The following ZNF487 variants were observed in gnomAD, a reference collection of about 807,000 sequenced individuals.
ZNF487 encodes zinc finger protein 487, also known as KRAB domain only 1.
In ZNF487, 4 loss-of-function variants were observed where a neutral mutation model predicts 3.0. That is an observed-to-expected ratio of 1.35 (90% CI 0.66 to 3.08). The LOEUF is 3.08. ZNF487 is among the 30% of genes most tolerant of loss of function. The probability of loss-of-function intolerance (pLI) is 0.01; values close to 1 mark genes in which losing one functional copy is unlikely to be tolerated. For synonymous variants in ZNF487, 55 were observed against 34.6 expected (o/e 1.59, Z -2.06); for missense variants, 146 against 98.7 (o/e 1.48, Z -2.03).
intron 1 of ZNF487, among the ~76,000 whole-genome samples, chr10:43,465,392 G>T (rs1316527747): frequency 3.4e-5 from 5 of 148,934 alleles, no homozygotes; most frequent in Admixed American, 6.6e-5. Context: ...CTTCTCAGAC[G>T]GGGCGGCTGC....
chr10:43,490,155 T>C, the ZNF487 span, among the ~76,000 whole-genome samples: 1 of 152,062 alleles, frequency 6.6e-6, no homozygotes, highest in African/African-American at 2.4e-5. Flanking sequence ...TTTGAGATGA[T>C]CCTGGGCAAC....
chr10:43,488,897 G>A, the ZNF487 span, among the ~76,000 whole-genome samples: 1 of 151,780 alleles, frequency 6.6e-6, no homozygotes, highest in African/African-American at 2.4e-5. Flanking sequence ...TGAGAGGATC[G>A]CTTGAGGCCA....
chr10:43,506,052 C>T, the ZNF487 span, among the ~76,000 whole-genome samples: 1 of 152,180 alleles, frequency 6.6e-6, no homozygotes, highest in African/African-American at 2.4e-5. Context: ...TGTTCTTTTC[C>T]TTTTCATTTG....
intron 1 of ZNF487, among the ~76,000 whole-genome samples, chr10:43,451,122 T>C (rs1839993012): frequency 1.3e-5 from 2 of 151,844 alleles, no homozygotes; most frequent in Admixed American, 6.6e-5. Flanking sequence ...AATTTTGTAT[T>C]TTTAGTAGAG....
the ZNF487 span, among the ~76,000 whole-genome samples, chr10:43,497,738 C>T: frequency 2.6e-5 from 4 of 151,836 alleles, 1 homozygote; most frequent in Non-Finnish European, 5.9e-5. Flanking sequence ...GAGGCCGAGG[C>T]GGGAAGATCA....
the ZNF487 span, among the ~76,000 whole-genome samples, chr10:43,521,144 TTAA>T: frequency 2.0e-5 from 3 of 152,208 alleles, no homozygotes; most frequent in South Asian, 6.2e-4. Flanking sequence ...AAGCACTGAA[TTAA>T]TGAATATTGA....
At chr10:43,458,001 AAC>A (rs1840282036) in intron 1 of ZNF487, 1 of 152,188 alleles carries the variant, frequency 6.6e-6, no homozygotes, top group South Asian at 2.1e-4. Flanking sequence ...CAGCCTGGGT[AAC>A]AGAGCGAGAC....
chr10:43,446,628 A>G (rs1463824053), intron 1 of ZNF487, among the ~76,000 whole-genome samples: 1 of 144,262 alleles, frequency 6.9e-6, no homozygotes, highest in Non-Finnish European at 1.5e-5. Flanking sequence ...CCCACATCCT[A>G]GACGATGGGC....
At position 43,476,025 on chromosome 10, in the gene ZNF487, C is replaced by G. The variant is rs17153701; in HGVS notation, c.35-82C>G. 4,439 of 693,900 alleles carry G rather than the reference C, an allele frequency of 6.4e-3. 145 individuals are homozygous for G. In the African/African-American group the frequency reaches 0.069, roughly 11 times the overall value. 43.0% of individuals were successfully genotyped at this position (693,900 alleles called of 1,614,324 possible). ...GTGGTGTTTTCTGTAATGAAATGCT[C>G]AAGTGGACCTATTTTTGTGCAGGCA... On this transcript the variant is annotated intron_variant, in intron 2 of 3. Coordinates refer to ENST00000437590, the MANE Select transcript of ZNF487 (RefSeq NM_001355444.3).
the ZNF487 span, among the ~76,000 whole-genome samples, chr10:43,511,744 G>A: frequency 2.0e-5 from 3 of 152,104 alleles, no homozygotes; most frequent in African/African-American, 7.2e-5. Flanking sequence ...CGACAGGGGT[G>A]GCTGAGGAAA....
intron 1 of ZNF487, among the ~76,000 whole-genome samples, chr10:43,473,109 CTT>C (rs367584724): frequency 1.0e-4 from 14 of 134,646 alleles, no homozygotes; most frequent in Admixed American, 1.5e-4. Context: ...TATTAGGACA[CTT>C]TTTTTTTTTT....
chr10:43,471,138 TC>T (rs1564424743), intron 1 of ZNF487, among the ~76,000 whole-genome samples: 1 of 152,200 alleles, frequency 6.6e-6, no homozygotes, highest in Non-Finnish European at 1.5e-5. Context: ...GCAGGATTTT[TC>T]TTGGCCCCTT....
chr10:43,497,316 T>G, the ZNF487 span, among the ~76,000 whole-genome samples: 1 of 152,254 alleles, frequency 6.6e-6, no homozygotes, highest in Non-Finnish European at 1.5e-5. Flanking sequence ...CAAATGTTTT[T>G]AAACCCCTTT....
At chr10:43,488,784 G>T in the ZNF487 span, among the ~76,000 whole-genome samples, 1 of 152,000 alleles carries the variant, frequency 6.6e-6, no homozygotes, top group African/African-American at 2.4e-5. Context: ...GACCAAGTAG[G>T]GTTTATATCA....
intron 1 of ZNF487, among the ~76,000 whole-genome samples, chr10:43,467,611 G>T (rs1420758183): frequency 6.6e-6 from 1 of 151,830 alleles, no homozygotes; most frequent in Non-Finnish European, 1.5e-5. Flanking sequence ...CAGGTCAGGA[G>T]TTTGATACCA....
intron 1 of ZNF487, chr10:43,452,801 T>G (rs1183406706): frequency 6.6e-6 from 1 of 152,068 alleles, no homozygotes; most frequent in East Asian, 1.9e-4. Flanking sequence ...GTGGGGAATC[T>G]ATCTCGTATC....
chr10:43,467,285 A>G (rs938378728), intron 1 of ZNF487, among the ~76,000 whole-genome samples: 6 of 151,746 alleles, frequency 4.0e-5, no homozygotes, highest in Non-Finnish European at 2.9e-5. Context: ...GCTCACTGCA[A>G]CCTCTGCCTC....
rs894935463 is a variant in ZNF487 at position 43,477,509 on chromosome 10, A to G, written c.130+1307A>G. The stretch of plus-strand genomic sequence containing the variant: ...TGCGCCTGGCTTCTAAATTCCTTTC[A>G]TTGTTAAGACGAAATAATGTTGCAT... On this transcript the variant is annotated intron_variant, in intron 3 of 3. Coordinates refer to ENST00000437590, the MANE Select transcript of ZNF487 (RefSeq NM_001355444.3). Among the ~76,000 whole-genome samples, 11 of 151,734 alleles carry G rather than the reference A, an allele frequency of 7.2e-5. No individual in the cohort carries two copies. The South Asian group carries it at 1.2e-3, about 17-fold the overall frequency.
the ZNF487 span, among the ~76,000 whole-genome samples, chr10:43,489,473 G>A: frequency 1.3e-5 from 2 of 152,016 alleles, no homozygotes; most frequent in Admixed American, 6.6e-5. Context: ...CATGTCTCAG[G>A]CTCCTGAGTA....
Sources: allele counts gnomAD v4.1 joint callset (sites outside exome capture counted in the v4.1 genomes callset), GRCh38; gene constraint gnomAD v4.1.1; transcripts MANE v1.5; gene names NCBI Gene and HGNC (gene_info 2026-07-23, HGNC 2026-07-21).